Variants in FHL3 observed in about 807,000 individuals in gnomAD.
FHL3 encodes four and a half LIM domains 3, also known as four and a half LIM domains protein 3.
In FHL3, 21 loss-of-function variants were observed where a neutral mutation model predicts 34.3. The observed-to-expected ratio is 0.61, with a 90% CI of 0.43 to 0.88. FHL3 has a LOEUF of 0.88. Ranked by LOEUF, FHL3 falls within the 40% of genes least tolerant of loss-of-function variation. The pLI is 0.00. For missense variants in FHL3, 333 were observed against 373.7 expected (o/e 0.89, Z 0.90); for synonymous variants, 137 against 144.6 (o/e 0.95, Z 0.38).
intron 1 of FHL3, among the ~76,000 whole-genome samples, chr1:38,002,239 C>T (rs1445659192): frequency 2.0e-5 from 3 of 151,916 alleles, no homozygotes; most frequent in Non-Finnish European, 4.4e-5. Context: ...GCTGGGACTA[C>T]AGGCACCTGC....
intron 1 of FHL3, among the ~76,000 whole-genome samples, chr1:38,001,038 G>A (rs187004853): frequency 2.0e-5 from 3 of 152,198 alleles, no homozygotes; most frequent in African/African-American, 7.2e-5. Flanking sequence ...GCTCTGGCTT[G>A]AAGTTCAGAC....
At position 37,997,833 on chromosome 1, in the gene FHL3, G is replaced by A. The variant is rs1256697307; in HGVS notation, c.539C>T (p.Pro180Leu). ...TQGGVTYRDQ[P>L]WHRECLVCTG... Reference sequence around the variant, plus strand: ...ACAGACCAGACATTCTCGATGCCACGGCTGATCACGGTATGTCACTCCACC... The same window carrying A: ...ACAGACCAGACATTCTCGATGCCACAGCTGATCACGGTATGTCACTCCACC... The change falls in exon 5 of 6, where the codon CCG becomes CTG. Residue 180 changes from proline (P) to leucine (L), a missense_variant. Physicochemically the swap from Pro to Leu is moderately conservative, Grantham distance 98 (BLOSUM62 -3). Transcript: ENST00000373016. This position sits in a 1 kb window ranked among gnomAD's most constrained non-coding sequence, Gnocchi z 4.3. The A allele has an allele frequency of 1.9e-6, 3 of 1,613,944 alleles. No individual in the cohort carries two copies. Among genetic ancestry groups the A allele is most frequent in the Admixed American group, 1.7e-5 (1 of 59,998 alleles).
chr1:38,002,629 C>T (rs936246315), intron 1 of FHL3, among the ~76,000 whole-genome samples: 5 of 150,012 alleles, frequency 3.3e-5, no homozygotes, highest in African/African-American at 1.2e-4. Flanking sequence ...CAATCTCCAC[C>T]TCCCAGGTTC....
intron 3 of FHL3, among the ~76,000 whole-genome samples, chr1:37,998,528 T>C (rs916564469): frequency 2.0e-5 from 3 of 152,164 alleles, no homozygotes; most frequent in Non-Finnish European, 4.4e-5. Context: ...AAAGTTCTAA[T>C]GCCCTGGGCA....
chr1:37,999,765 C>T lies in FHL3; in HGVS notation c.-20-333G>A, dbSNP rs376390436. Among the ~76,000 whole-genome samples the T allele has an allele frequency of 3.6e-4, 55 of 152,324 alleles. 2 individuals carry two copies. In the South Asian group the frequency reaches 6.4e-3, roughly 18 times the overall value. On this transcript the variant is annotated intron_variant, in intron 1 of 5. Transcript: ENST00000373016. ...AGCCAGCGTCTAGCCTCCACTGTCC[C>T]GACTGTCCCCAGCGTGGGAGAAGCA...
At chr1:37,998,292 C>G (rs989728952) in intron 3 of FHL3, among the ~76,000 whole-genome samples, 160 bp from the exon 4 acceptor site, 5 of 152,114 alleles carry the variant, frequency 3.3e-5, no homozygotes, top group Admixed American at 3.3e-4. Context: ...ATTACACATG[C>G]TAACCTCTCC....
chr1:38,002,013 A>G (rs1218056799), intron 1 of FHL3, among the ~76,000 whole-genome samples: 3 of 152,108 alleles, frequency 2.0e-5, no homozygotes, highest in African/African-American at 7.2e-5. Flanking sequence ...AATGGTAGCT[A>G]TTAGTATTTT....
chr1:38,003,054 A>T (rs1239730366), intron 1 of FHL3, among the ~76,000 whole-genome samples: 1 of 151,916 alleles, frequency 6.6e-6, no homozygotes, highest in Admixed American at 6.6e-5. Flanking sequence ...GCTACTCAGG[A>T]GGCTGAGGCA....
chr1:38,000,049 C>T (rs188568472), intron 1 of FHL3, among the ~76,000 whole-genome samples: 1 of 152,280 alleles, frequency 6.6e-6, no homozygotes, highest in East Asian at 1.9e-4. Flanking sequence ...ATCAGCCAAG[C>T]AATGGGAACT....
intron 1 of FHL3, among the ~76,000 whole-genome samples, chr1:38,000,429 T>G (rs1646582343): frequency 6.6e-6 from 1 of 152,066 alleles, no homozygotes; most frequent in South Asian, 2.1e-4. Flanking sequence ...CTCTCCCACC[T>G]TTTCCGATTT....
At position 37,997,657 on chromosome 1, in the gene FHL3, C is replaced by T; in HGVS notation, c.688+27G>A. On this transcript the variant is annotated intron_variant, in intron 5 of 5. Coordinates refer to ENST00000373016, the MANE Select transcript of FHL3 (RefSeq NM_004468.5). The surrounding 1 kb of genome is among the most constrained non-coding windows in gnomAD (Gnocchi z 4.3). ...CCCACTCCCTTGCCTGCACCCTACC[C>T]ACTCCGTTCTTTGACCCTTGTCCCA... The T allele has an allele frequency of 6.2e-7, 1 of 1,613,398 alleles. No homozygotes were observed. The highest frequency in any genetic ancestry group is 8.5e-7 in the Non-Finnish European group (1 of 1,179,522).
chr1:37,996,855 A>C lies in FHL3; in HGVS notation c.*550T>G, dbSNP rs1397812132. The C allele has an allele frequency of 6.5e-6, 1 of 153,230 alleles. No homozygotes were observed. The highest frequency in any genetic ancestry group is 1.5e-5 in the Non-Finnish European group (1 of 68,500). The allele number at this position is 153,230 out of a possible 1,614,324, so 9.5% of individuals were successfully genotyped here. ...CCATCTATGGGCAAAATGGAGCTGA[A>C]ATAAAATGAGAAGACACTCGGTGGC... is the stretch of plus-strand genomic sequence containing the variant. On this transcript the variant is annotated 3_prime_UTR_variant, in exon 6 of 6. Transcript: ENST00000373016.
At chr1:37,998,941 G>T (rs770111439) in intron 3 of FHL3, 33 bp downstream of exon 3, 12 of 1,604,962 alleles carry the variant, frequency 7.5e-6, no homozygotes, top group Non-Finnish European at 1.0e-5. Flanking sequence ...GCAGATGCCA[G>T]TTCTCACACA....
intron 1 of FHL3, among the ~76,000 whole-genome samples, chr1:38,004,114 A>C (rs1263383920): frequency 6.6e-6 from 1 of 152,098 alleles, no homozygotes; most frequent in East Asian, 1.9e-4. Context: ...ACCGGGCACC[A>C]ACCCCAAGCT....
chr1:38,001,516 G>A (rs904698261), intron 1 of FHL3, among the ~76,000 whole-genome samples: 17 of 152,206 alleles, frequency 1.1e-4, no homozygotes, highest in Admixed American at 1.1e-3. Flanking sequence ...ATCCCCCAAT[G>A]CCCTAGTCTA....
intron 1 of FHL3, among the ~76,000 whole-genome samples, chr1:38,004,106 C>CG (rs1178573076): frequency 6.6e-6 from 1 of 152,104 alleles, no homozygotes; most frequent in Non-Finnish European, 1.5e-5. Context: ...CCTCTGCTAC[C>CG]GGGCACCAAC....
chr1:37,997,544 T>C lies in FHL3; in HGVS notation c.704A>G (p.Lys235Arg), dbSNP rs769206310. ...KRPIVGLGGGKYVSFEDRHWH... is the reference protein window; with the variant it reads ...KRPIVGLGGGRYVSFEDRHWH... ...GTGTCGGTCTTCAAAGGACACATACTTGCCTCCACCGAGTCCTGGAGGGAG... is the reference window on the plus strand; with the variant it reads ...GTGTCGGTCTTCAAAGGACACATACCTGCCTCCACCGAGTCCTGGAGGGAG... Residue 235 changes from lysine (K) to arginine (R), a missense_variant, in exon 6 of 6, where the codon AAG becomes AGG. Physicochemically the swap from Lys to Arg is conservative, Grantham distance 26. Coordinates refer to ENST00000373016, the MANE Select transcript of FHL3 (RefSeq NM_004468.5). This position sits in a 1 kb window ranked among gnomAD's most constrained non-coding sequence, Gnocchi z 4.3. 1.2e-6 allele frequency: 2 copies of C among 1,613,386 alleles called. No homozygotes were observed. The highest frequency in any genetic ancestry group is 1.1e-5 in the South Asian group (1 of 91,050).
Position 37,997,859 on chromosome 1 carries a change from C to G in FHL3, c.513G>C (p.Gln171His), listed in dbSNP as rs775200045. 6.2e-7 allele frequency: 1 copy of G among 1,613,784 alleles called. No individual in the cohort carries two copies. Among genetic ancestry groups the G allele is most frequent in the Admixed American group, 1.7e-5 (1 of 60,014 alleles). Reference sequence around the variant, plus strand: ...GCTGATCACGGTATGTCACTCCACCCTGTGTCAGCGTCTGTGGGGGCAGCA... The same window carrying G: ...GCTGATCACGGTATGTCACTCCACCGTGTGTCAGCGTCTGTGGGGGCAGCA... The part of the protein sequence containing the change: ...RCARCSKTLT[Q>H]GGVTYRDQPW... The change falls in exon 5 of 6, where the codon CAG becomes CAC. Residue 171 changes from glutamine (Q) to histidine (H), a missense_variant. Transcript: ENST00000373016. The surrounding 1 kb of genome is among the most constrained non-coding windows in gnomAD (Gnocchi z 4.3).
intron 1 of FHL3, among the ~76,000 whole-genome samples, chr1:38,004,203 G>A (rs1458363732): frequency 1.3e-5 from 2 of 152,146 alleles, no homozygotes; most frequent in African/African-American, 4.8e-5. Context: ...AGCTGCTCTG[G>A]GGACATGAGA....
Sources: allele counts gnomAD v4.1 joint callset (sites outside exome capture counted in the v4.1 genomes callset), GRCh38; gene constraint gnomAD v4.1.1; non-coding constraint Gnocchi (gnomAD v3.1); transcripts MANE v1.5; gene names NCBI Gene and HGNC (gene_info 2026-07-23, HGNC 2026-07-21).